ABCA1: variants seen among roughly 807,000 people sequenced by gnomAD.
The protein encoded by ABCA1 is ATP binding cassette subfamily A member 1.
In ABCA1, 133 loss-of-function variants were observed where a neutral mutation model predicts 262.5. That is an observed-to-expected ratio of 0.51 (90% CI 0.44 to 0.59). The LOEUF (loss-of-function observed/expected upper bound fraction) is 0.59. ABCA1 is among the 20% of genes least tolerant of loss of function. The pLI, the probability that ABCA1 is intolerant of heterozygous loss-of-function variation, is 0.00. For missense variants in ABCA1, 2,452 were observed against 2,777.5 expected (o/e 0.88, Z 2.63); for synonymous variants, 1,022 against 1,043.5 (o/e 0.98, Z 0.40).
At chr9:104,854,373 C>T (rs1246276520) in intron 7 of ABCA1, among the ~76,000 whole-genome samples, 1 of 152,148 alleles carries the variant, frequency 6.6e-6, no homozygotes, top group East Asian at 1.9e-4. Flanking sequence ...GTGAGCTCTA[C>T]TGTATCCTGG....
intron 5 of ABCA1, among the ~76,000 whole-genome samples, chr9:104,876,375 A>G (rs1171197973): frequency 1.3e-5 from 2 of 152,206 alleles, no homozygotes; most frequent in African/African-American, 2.4e-5. Flanking sequence ...CTTCAGCTCC[A>G]GCATATGCAC....
intron 31 of ABCA1, among the ~76,000 whole-genome samples, chr9:104,805,538 G>A (rs1374107593): frequency 6.6e-6 from 1 of 152,140 alleles, no homozygotes; most frequent in African/African-American, 2.4e-5. Context: ...AAATGGCTCA[G>A]GACTCCTTCC....
At chr9:104,899,200 G>A (rs1840459656) in intron 2 of ABCA1, among the ~76,000 whole-genome samples, 1 of 152,200 alleles carries the variant, frequency 6.6e-6, no homozygotes, top group African/African-American at 2.4e-5. Context: ...TGAGGCAGAT[G>A]GTGGCCAAGC....
At position 104,790,814 on chromosome 9, in the gene ABCA1, T is replaced by G. The variant is rs1829360944; in HGVS notation, c.5927+108A>C. On this transcript the variant is annotated intron_variant, in intron 44 of 49. Transcript: ENST00000374736. ...TTTACCCTTTACTATATTTCAACAT[T>G]TTTATGAACTCTAAAAATACCACTG... The G allele has an allele frequency of 5.0e-6, 4 of 807,678 alleles. No homozygotes were observed. The South Asian group carries it at 5.9e-5, about 12-fold the overall frequency. 50.0% of individuals were successfully genotyped at this position (807,678 alleles called of 1,614,324 possible).
Position 104,814,489 on chromosome 9 carries a change from G to A in ABCA1, c.3739-14C>T, listed in dbSNP as rs979897851. On this transcript the variant is annotated splice_polypyrimidine_tract_variant and intron_variant, in intron 25 of 49. Transcript: ENST00000374736. Reference sequence around the variant, plus strand: ...CTTGAGGAATATCTGGAAAATGAGAGAGATGAGAACATTATAAGCACCAAC... The same window carrying A: ...CTTGAGGAATATCTGGAAAATGAGAAAGATGAGAACATTATAAGCACCAAC... 6.2e-7 allele frequency: 1 copy of A among 1,613,760 alleles called. No homozygotes were observed. The highest frequency in any genetic ancestry group is 1.3e-5 in the African/African-American group (1 of 75,050).
intron 3 of ABCA1, 88 bp from the exon 4 acceptor site, chr9:104,884,656 C>A: frequency 6.8e-7 from 1 of 1,464,488 alleles, no homozygotes. Context: ...ATGCTTCATG[C>A]CAAGTCTGTC....
chr9:104,785,724 C>T lies in ABCA1; in HGVS notation c.6402-85G>A, dbSNP rs981373324. On this transcript the variant is annotated intron_variant, in intron 48 of 49. Coordinates refer to ENST00000374736, the MANE Select transcript of ABCA1 (RefSeq NM_005502.4). ...TGAACCCTGGGAACCCAACTTGTGC[C>T]ATGAAAAAGGGCGGCCCCTGGCAGG... 2.9e-5 allele frequency: 45 copies of T among 1,573,440 alleles called. No homozygotes were observed. The Middle Eastern group carries it at 8.3e-4, about 29-fold the overall frequency.
Position 104,845,520 on chromosome 9 carries a change from G to T in ABCA1, c.770C>A (p.Ala257Asp). 5 of 1,614,036 alleles carry T rather than the reference G, an allele frequency of 3.1e-6. No homozygotes were observed. The highest frequency in any genetic ancestry group is 4.2e-6 in the Non-Finnish European group (5 of 1,179,954). The change falls in exon 8 of 50, where the codon GCC (alanine) becomes GAC (aspartate). Residue 257 changes from alanine (A) to aspartate (D), a missense_variant. Coordinates refer to ENST00000374736, the MANE Select transcript of ABCA1 (RefSeq NM_005502.4). ...SPFPSKELAE[A>D]TKTLLHSLGT... ...AAGACTATGCAGCAATGTTTTTGTGGCTTCAGCCAGCTCCTTGCTCGGGAA... is the reference window on the plus strand; with the variant it reads ...AAGACTATGCAGCAATGTTTTTGTGTCTTCAGCCAGCTCCTTGCTCGGGAA...
At chr9:104,849,876 C>T (rs1338809621) in intron 7 of ABCA1, among the ~76,000 whole-genome samples, 7 of 152,136 alleles carry the variant, frequency 4.6e-5, no homozygotes, top group African/African-American at 1.7e-4. Flanking sequence ...AATGAAGTGG[C>T]AGGCCAATAT....
At chr9:104,843,481 C>T (rs1041325235) in intron 8 of ABCA1, among the ~76,000 whole-genome samples, 5 of 152,276 alleles carry the variant, frequency 3.3e-5, no homozygotes, top group Admixed American at 6.5e-5. Flanking sequence ...GAGTTTTTCA[C>T]GAAGCAGGCA....
Position 104,906,306 on chromosome 9 carries a change from A to G in ABCA1, c.-92-2535T>C, listed in dbSNP as rs556287522. On this transcript the variant is annotated intron_variant, in intron 1 of 49. Coordinates refer to ENST00000374736, the MANE Select transcript of ABCA1 (RefSeq NM_005502.4). ...AGAATATCACCTCCCCTAAACCCTG[A>G]GTGGAAAAGCTCAAAGGAAGAGAAG... 8.7e-4 allele frequency among the ~76,000 whole-genome samples: 133 copies of G among 152,270 alleles called. 2 individuals carry two copies. Among genetic ancestry groups the G allele is most frequent in the Admixed American group, 8.6e-3 (131 of 15,288 alleles).
rs777000674 is a variant in ABCA1, at chr9:104,788,429, G to A, written c.6066C>T (p.Gly2022=). 1.2e-6 allele frequency: 2 copies of A among 1,614,118 alleles called. No homozygotes were observed. Among genetic ancestry groups the A allele is most frequent in the Non-Finnish European group, 8.5e-7 (1 of 1,179,976 alleles). Residue 2022 remains glycine, a synonymous_variant, in exon 45 of 50, where the codon GGC becomes GGT. Coordinates refer to ENST00000374736, the MANE Select transcript of ABCA1 (RefSeq NM_005502.4). ...LLRGVPEKEV[G]KVGEWAIRKL... ...GGCTTTCAGGTGCCCACAGTACCTTGCCAACTTCTTTCTCTGGGACTCCTC... is the reference window on the plus strand; with the variant it reads ...GGCTTTCAGGTGCCCACAGTACCTTACCAACTTCTTTCTCTGGGACTCCTC...
chr9:104,882,999 T>C lies in ABCA1; in HGVS notation c.421+40A>G. 2.0e-6 allele frequency: 3 copies of C among 1,530,898 alleles called. No homozygotes were observed. The South Asian group carries it at 3.4e-5, about 17-fold the overall frequency. 94.8% of individuals were successfully genotyped at this position (1,530,898 alleles called of 1,614,324 possible). ...ACTCTCTTTCCCTGGTGCAGGTCAA[T>C]TTCCAATTATAAACGGATGCAGAGA... On this transcript the variant is annotated intron_variant, in intron 5 of 49. Coordinates refer to ENST00000374736, the MANE Select transcript of ABCA1 (RefSeq NM_005502.4).
In ABCA1 at chr9:104,887,094, A is replaced by G. The variant is rs771091246; in HGVS notation, c.160+2008T>C. Reference sequence around the variant, plus strand: ...GGAGTTCGAGACCAGTGTGGTCAACATGGCAAAACCCTGTCTCTACTAAAA... The same window carrying G: ...GGAGTTCGAGACCAGTGTGGTCAACGTGGCAAAACCCTGTCTCTACTAAAA... On this transcript the variant is annotated intron_variant, in intron 3 of 49. Coordinates refer to ENST00000374736, the MANE Select transcript of ABCA1 (RefSeq NM_005502.4). Among the ~76,000 whole-genome samples the G allele has an allele frequency of 4.7e-4, 72 of 152,316 alleles. No individual in the cohort carries two copies. The Middle Eastern group carries it at 0.014, about 29-fold the overall frequency.
chr9:104,818,768 C>G lies in ABCA1; in HGVS notation c.3357G>C (p.Lys1119Asn). 1 of 1,614,026 alleles carries G rather than the reference C, an allele frequency of 6.2e-7. No individual in the cohort carries two copies. Among genetic ancestry groups the G allele is most frequent in the Non-Finnish European group, 8.5e-7 (1 of 1,180,032 alleles). ...LCCVGSSLFL[K>N]NQLGTGYYLT... The stretch of plus-strand genomic sequence containing the variant: ...GGTAGTAGCCTGTTCCCAGCTGGTT[C>G]TTCAGAAACAGGGAGGAGCCCACAC... The change falls in exon 23 of 50, where the codon AAG (lysine) becomes AAC (asparagine). Residue 1119 changes from lysine to asparagine, a missense_variant. By Grantham distance (94) the Lys-to-Asn change is moderately conservative. This residue lies in a region of ABCA1 where 665 missense variants were observed against 727.3 expected (regional missense o/e 0.91). Coordinates refer to ENST00000374736, the MANE Select transcript of ABCA1 (RefSeq NM_005502.4).
At chr9:104,820,113 C>T (rs904343309) in intron 20 of ABCA1, 44 bp from the exon 21 acceptor site, 9 of 1,612,496 alleles carry the variant, frequency 5.6e-6, no homozygotes, top group Non-Finnish European at 6.8e-6. Flanking sequence ...TACTGGATAC[C>T]CCAGAATACA....
rs1282931881 is a variant in ABCA1 at position 104,817,541 on chromosome 9, C to G, written c.3463-137G>C. The G allele has an allele frequency of 1.1e-6, 1 of 924,846 alleles. No individual in the cohort carries two copies. The highest frequency in any genetic ancestry group is 2.6e-5 in the East Asian group (1 of 37,746). The allele number at this position is 924,846 out of a possible 1,614,324, so 57.3% of individuals were successfully genotyped here. On this transcript the variant is annotated intron_variant, in intron 23 of 49. Coordinates refer to ENST00000374736, the MANE Select transcript of ABCA1 (RefSeq NM_005502.4). This position sits in a 1 kb window ranked among gnomAD's most constrained non-coding sequence, Gnocchi z 4.7. ...AAAAGCTTTCCCTGGGACACATGCA[C>G]TGGCAGCCGTGGCTTCAGAGGACCC...
intron 1 of ABCA1, among the ~76,000 whole-genome samples, chr9:104,926,827 G>A (rs1826382869): frequency 6.6e-6 from 1 of 152,244 alleles, no homozygotes; most frequent in Non-Finnish European, 1.5e-5. Flanking sequence ...GCAACGGTCT[G>A]GAAGATGGGG....
At chr9:104,917,668 C>G (rs1157042049) in intron 1 of ABCA1, among the ~76,000 whole-genome samples, 1 of 152,000 alleles carries the variant, frequency 6.6e-6, no homozygotes, top group African/African-American at 2.4e-5. Flanking sequence ...GCAGGAGAAT[C>G]GCTTGAACCC....
Sources: allele counts gnomAD v4.1 joint callset (sites outside exome capture counted in the v4.1 genomes callset), GRCh38; gene constraint gnomAD v4.1.1; regional missense constraint gnomAD v4.1.1; non-coding constraint Gnocchi (gnomAD v3.1); transcripts MANE v1.5; gene names NCBI Gene and HGNC (gene_info 2026-07-23, HGNC 2026-07-21).